HIRA: variants seen among roughly 807,000 people sequenced by gnomAD.
The protein encoded by HIRA is protein HIRA.
A neutral mutation model predicts 126.6 loss-of-function variants in HIRA; 13 were observed. That is an observed-to-expected ratio of 0.10 (90% confidence interval 0.07 to 0.16). HIRA has a LOEUF of 0.16. Among genes scored for constraint, HIRA ranks in the 10% least tolerant of loss-of-function variants. The pLI, the probability that HIRA is intolerant of heterozygous loss-of-function variation, is 1.00. For missense variants in HIRA, 834 were observed against 1,314.4 expected (o/e 0.63, Z 5.65); for synonymous variants, 511 against 520.0 (o/e 0.98, Z 0.24).
At chr22:19,398,202 A>C (rs768964503) in intron 5 of HIRA, 115 bp from the exon 6 acceptor site, 32 of 718,960 alleles carry the variant, frequency 4.5e-5, no homozygotes, top group Non-Finnish European at 7.4e-5. Flanking sequence ...GTATTTTTTA[A>C]CCAACCTGAA....
At chr22:19,362,082 T>A in intron 15 of HIRA, 151 bp from the exon 16 acceptor site, 2 of 712,764 alleles carry the variant, frequency 2.8e-6, no homozygotes. Flanking sequence ...GGAGAAATAA[T>A]GACTTTGTCA....
Position 19,431,632 on chromosome 22 carries a change from G to GC in HIRA, c.-157dup. On this transcript the variant is annotated 5_prime_UTR_variant, in exon 1 of 25. An upstream open reading frame in the 5' UTR loses its in-frame stop. Transcript: ENST00000263208. ...GGCCGCCGCGCCATCGCCGGCCCGC[G>GC]CCCCCCTCCGCCGCCACAGCCGCCA... 2 of 699,752 alleles carry GC rather than the reference G, an allele frequency of 2.9e-6. No homozygotes were observed. The highest frequency in any genetic ancestry group is 5.9e-5 in the Admixed American group (1 of 16,908). The allele number at this position is 699,752 out of a possible 1,614,324, so 43.3% of individuals were successfully genotyped here. A position where few individuals can be genotyped will look rare whatever the true frequency, so the allele number is the denominator to read the frequency against.
At chr22:19,344,828 T>A (rs1233091578) in intron 24 of HIRA, among the ~76,000 whole-genome samples, 1 of 152,146 alleles carries the variant, frequency 6.6e-6, no homozygotes, top group Non-Finnish European at 1.5e-5. Context: ...TGGTTTAACA[T>A]ATGAAAACCA....
chr22:19,394,362 G>A lies in HIRA; in HGVS notation c.802C>T (p.Arg268Trp), dbSNP rs1451572445. The A allele has an allele frequency of 1.9e-6, 3 of 1,614,082 alleles. No homozygotes were observed. Among genetic ancestry groups the A allele is most frequent in the Admixed American group, 1.7e-5 (1 of 60,012 alleles). Residue 268 changes from arginine to tryptophan, a missense_variant, in exon 8 of 25, where the codon CGG (arginine) becomes TGG (tryptophan). By Grantham distance (101) the Arg-to-Trp change is moderately radical. Around this residue, in one of 5 missense-constraint regions of HIRA, gnomAD observed 53 missense variants for 163.7 expected, o/e 0.32. Coordinates refer to ENST00000263208, the MANE Select transcript of HIRA (RefSeq NM_003325.4). Reference protein sequence around the residue: ...WKTNMDFVGHRKAVTVVKFNP... With the variant: ...WKTNMDFVGHWKAVTVVKFNP... ...CTCACCACGACAGTCACAGCTTTCC[G>A]GTGCCCAACAAAGTCCATGTTGGTC...
In HIRA at chr22:19,394,339, C is replaced by T. The variant is rs780688190; in HGVS notation, c.822+3G>A. 8 of 1,614,152 alleles carry T rather than the reference C, an allele frequency of 5.0e-6. No individual in the cohort carries two copies. Among genetic ancestry groups the T allele is most frequent in the Admixed American group, 1.7e-5 (1 of 60,024 alleles). On this transcript the variant is annotated splice_donor_region_variant and intron_variant, in intron 8 of 24. Transcript: ENST00000263208. ...ATCTCCCTTTAGTTCCCTGGGCACT[C>T]ACCACGACAGTCACAGCTTTCCGGT...
intron 24 of HIRA, among the ~76,000 whole-genome samples, chr22:19,340,757 GT>G (rs2088618667): frequency 2.0e-5 from 3 of 151,982 alleles, no homozygotes; most frequent in Admixed American, 2.0e-4. Flanking sequence ...AGAACCTCTT[GT>G]TACAATAGCT....
intron 4 of HIRA, 76 bp downstream of exon 4, chr22:19,407,108 G>A: frequency 8.4e-7 from 1 of 1,195,056 alleles, no homozygotes; most frequent in Non-Finnish European, 1.2e-6. Flanking sequence ...TGACAGGGTA[G>A]GGAAAGGTGA....
chr22:19,424,533 A>G (rs2089474291), intron 1 of HIRA, among the ~76,000 whole-genome samples: 1 of 152,132 alleles, frequency 6.6e-6, no homozygotes, highest in Admixed American at 6.5e-5. Context: ...CAGGGACCAG[A>G]CTCCTGGTCC....
intron 24 of HIRA, among the ~76,000 whole-genome samples, chr22:19,342,195 G>GA (rs748555775): frequency 2.6e-5 from 4 of 151,780 alleles, no homozygotes; most frequent in African/African-American, 9.7e-5. Flanking sequence ...ACAAACATAT[G>GA]AAAAAAATGC....
Position 19,351,238 on chromosome 22 carries a change from G to T in HIRA, c.2937+120C>A. ...CCCTCTCACTGATGCTGGGACCTGA[G>T]GCTGGGTGCTGGAGAAGTCTAACGG... is the stretch of plus-strand genomic sequence containing the variant. On this transcript the variant is annotated intron_variant, in intron 24 of 24. Transcript: ENST00000263208. This position sits in a 1 kb window ranked among gnomAD's most constrained non-coding sequence, Gnocchi z 4.8. The T allele has an allele frequency of 7.0e-7, 1 of 1,427,254 alleles. No individual in the cohort carries two copies. Among genetic ancestry groups the T allele is most frequent in the Non-Finnish European group, 9.2e-7 (1 of 1,091,816 alleles). The allele number at this position is 1,427,254 out of a possible 1,614,324, so 88.4% of individuals were successfully genotyped here. A position where few individuals can be genotyped will look rare whatever the true frequency, so the allele number is the denominator to read the frequency against.
intron 1 of HIRA, among the ~76,000 whole-genome samples, chr22:19,423,482 T>TACACAC (rs777914879): frequency 0.024 from 2,720 of 111,200 alleles, 33 homozygotes; most frequent in African/African-American, 0.041. Context: ...CACACATGCA[T>TACACAC]ACACACACAC....
At chr22:19,356,614 C>A (rs1194152009) in intron 19 of HIRA, among the ~76,000 whole-genome samples, 2 of 152,226 alleles carry the variant, frequency 1.3e-5, no homozygotes, top group African/African-American at 2.4e-5. Flanking sequence ...ATGAATCTTG[C>A]ATAGGACCCT....
intron 2 of HIRA, among the ~76,000 whole-genome samples, chr22:19,409,517 A>C (rs1569310442): frequency 6.6e-6 from 1 of 152,162 alleles, no homozygotes; most frequent in Non-Finnish European, 1.5e-5. Context: ...TCCTGACCTC[A>C]GATGATTCGC....
intron 23 of HIRA, among the ~76,000 whole-genome samples, chr22:19,352,340 G>A (rs1270718680): frequency 6.6e-6 from 1 of 152,080 alleles, no homozygotes; most frequent in African/African-American, 2.4e-5. Context: ...GGAGTAAGAG[G>A]AGGGGCTCCC....
chr22:19,351,116 C>T lies in HIRA; in HGVS notation c.2937+242G>A, dbSNP rs2088752306. 1.1e-5 allele frequency: 11 copies of T among 985,266 alleles called. No individual in the cohort carries two copies. The highest frequency in any genetic ancestry group is 1.3e-5 in the Non-Finnish European group (11 of 829,812). 61.0% of individuals were successfully genotyped at this position (985,266 alleles called of 1,614,324 possible). A position where few individuals can be genotyped will look rare whatever the true frequency, so the allele number is the denominator to read the frequency against. On this transcript the variant is annotated intron_variant, in intron 24 of 24. Coordinates refer to ENST00000263208, the MANE Select transcript of HIRA (RefSeq NM_003325.4). This position sits in a 1 kb window ranked among gnomAD's most constrained non-coding sequence, Gnocchi z 4.8. ...CAACCAAGCCCAGAGCCCCTGCAGG[C>T]AGCCTCCCTCAGCACAGGCACGTGG...
Position 19,409,860 on chromosome 22 carries a change from G to A in HIRA, c.100+856C>T, listed in dbSNP as rs117514912. Among the ~76,000 whole-genome samples, 32 of 151,480 alleles carry A rather than the reference G, an allele frequency of 2.1e-4. No individual in the cohort carries two copies. In the East Asian group the frequency reaches 6.1e-3, roughly 29 times the overall value. ...CTCATGTGCTGCACCTCCTCCTCTCGGGTGCAGTCCACAGCATGGAAGGAG... is the reference window on the plus strand; with the variant it reads ...CTCATGTGCTGCACCTCCTCCTCTCAGGTGCAGTCCACAGCATGGAAGGAG... On this transcript the variant is annotated intron_variant, in intron 2 of 24. Coordinates refer to ENST00000263208, the MANE Select transcript of HIRA (RefSeq NM_003325.4).
At chr22:19,344,355 A>G (rs1947230118) in intron 24 of HIRA, among the ~76,000 whole-genome samples, 1 of 152,150 alleles carries the variant, frequency 6.6e-6, no homozygotes, top group African/African-American at 2.4e-5. Flanking sequence ...CAATGCCACA[A>G]AAATAAAAAA....
At chr22:19,361,656 C>T (rs2088865127) in intron 16 of HIRA, 71 bp downstream of exon 16, 11 of 1,483,728 alleles carry the variant, frequency 7.4e-6, no homozygotes. Context: ...GCTTACCATG[C>T]ACACAGGGCC....
intron 5 of HIRA, among the ~76,000 whole-genome samples, chr22:19,401,981 G>A (rs896792994): frequency 3.9e-5 from 6 of 152,110 alleles, no homozygotes; most frequent in African/African-American, 1.4e-4. Flanking sequence ...CCCCGCCCCA[G>A]CTCCCAGGGG....
Sources: gnomAD v4.1 joint callset for allele counts (sites outside exome capture counted in the v4.1 genomes callset) on GRCh38, gnomAD v4.1.1 for gene constraint, gnomAD v4.1.1 regional missense constraint, Gnocchi (gnomAD v3.1) non-coding constraint, MANE v1.5 for transcripts, NCBI Gene and HGNC (gene_info 2026-07-23, HGNC 2026-07-21) for gene names.